REV3L: variants seen among roughly 807,000 people sequenced by gnomAD.
The protein encoded by REV3L is DNA polymerase zeta catalytic subunit.
REV3L carries 69 observed loss-of-function variants against 299.4 expected under a neutral mutation model. That is an observed-to-expected ratio of 0.23 (90% CI 0.19 to 0.28). The LOEUF is 0.28. REV3L is among the 10% of genes least tolerant of loss of function. The pLI is 1.00. For synonymous variants in REV3L, 1,238 were observed against 1,271.4 expected, an observed-to-expected ratio of 0.97 and a Z score of 0.56; for missense variants, 3,128 against 3,693.8, an observed-to-expected ratio of 0.85 and a Z score of 3.97.
Position 111,376,425 on chromosome 6 carries a change from T to A in REV3L, c.1930A>T (p.Asn644Tyr). Residue 644 changes from asparagine (N) to tyrosine (Y), a missense_variant, in exon 13 of 32, where the codon AAT becomes TAT. Around this residue, in one of 9 missense-constraint regions of REV3L, gnomAD observed 2,409 missense variants for 2,611.8 expected, o/e 0.92. Coordinates refer to ENST00000368802, the MANE Select transcript of REV3L (RefSeq NM_001372078.1). ...TVHSENSHKE[N>Y]SKKEILPVSS... ...ACTGGGAGGATCTCTTTCTTACTAT[T>A]CTCTTTATGAGAATTTTCTGAATGA... 1 of 1,613,736 alleles carries A rather than the reference T, an allele frequency of 6.2e-7. No individual in the cohort carries two copies.
intron 1 of REV3L, among the ~76,000 whole-genome samples, chr6:111,436,453 A>C (rs1787565206): frequency 6.6e-6 from 1 of 152,242 alleles, no homozygotes; most frequent in African/African-American, 2.4e-5. Flanking sequence ...AGCCATATAA[A>C]AAAAATGAAA....
At chr6:111,360,877 G>A (rs1778585420) in intron 16 of REV3L, among the ~76,000 whole-genome samples, 1 of 151,470 alleles carries the variant, frequency 6.6e-6, no homozygotes, top group Non-Finnish European at 1.5e-5. Context: ...AACATATACT[G>A]CTGTTTCTAC....
chr6:111,346,674 C>T (rs1313707639), intron 20 of REV3L, among the ~76,000 whole-genome samples: 1 of 152,084 alleles, frequency 6.6e-6, no homozygotes, highest in East Asian at 1.9e-4. Flanking sequence ...ACAGGTTACC[C>T]AGCTCATAAC....
chr6:111,479,571 G>A (rs1333460764), intron 1 of REV3L, among the ~76,000 whole-genome samples: 1 of 149,382 alleles, frequency 6.7e-6, no homozygotes, highest in Non-Finnish European at 1.5e-5. Context: ...GTGCAGTGGC[G>A]TGATCTTGGC....
At chr6:111,474,988 T>TACACACACACACAC (rs36213449) in intron 1 of REV3L, among the ~76,000 whole-genome samples, 5 of 145,844 alleles carry the variant, frequency 3.4e-5, no homozygotes, top group East Asian at 2.0e-4. Context: ...TGCCTATATA[T>TACACACACACACAC]ACACACACAC....
chr6:111,396,139 ACC>A (rs1782478667), intron 4 of REV3L, among the ~76,000 whole-genome samples: 1 of 151,826 alleles, frequency 6.6e-6, no homozygotes, highest in Non-Finnish European at 1.5e-5. Context: ...CCATCCTCCT[ACC>A]TAAGTCTCCC....
At chr6:111,447,596 A>G (rs930293027) in intron 1 of REV3L, among the ~76,000 whole-genome samples, 1 of 152,184 alleles carries the variant, frequency 6.6e-6, no homozygotes, top group African/African-American at 2.4e-5. Context: ...CAAATGGCAA[A>G]TATTTTAGGC....
intron 1 of REV3L, among the ~76,000 whole-genome samples, chr6:111,479,621 T>C (rs1793384465): frequency 6.6e-6 from 1 of 151,130 alleles, no homozygotes; most frequent in Non-Finnish European, 1.5e-5. Flanking sequence ...GCGATTCTCC[T>C]GTCTCAGCTT....
chr6:111,470,752 A>T (rs1792101707), intron 1 of REV3L, among the ~76,000 whole-genome samples: 1 of 152,106 alleles, frequency 6.6e-6, no homozygotes, highest in South Asian at 2.1e-4. Context: ...GGCCAAGGTG[A>T]GCAGATCACC....
rs1786889853 is a variant in REV3L, at chr6:111,431,238, T to C, written c.140-14766A>G. 3.2e-6 allele frequency: 5 copies of C among 1,544,786 alleles called. No homozygotes were observed. The Admixed American group carries it at 5.0e-5, about 16-fold the overall frequency. On this transcript the variant is annotated intron_variant, in intron 1 of 31. Coordinates refer to ENST00000368802, the MANE Select transcript of REV3L (RefSeq NM_001372078.1). ...TGGATGTTTTAACAAAAGGAGGGCA[T>C]TCCAGGACCCTACAAGAGATTTAGA...
At chr6:111,398,038 T>C (rs997896961) in intron 4 of REV3L, among the ~76,000 whole-genome samples, 23 of 146,522 alleles carry the variant, frequency 1.6e-4, no homozygotes, top group South Asian at 7.2e-4. Flanking sequence ...TATTGGCTAG[T>C]TGGGGACTTC....
rs200359902 is a variant in REV3L at position 111,381,340 on chromosome 6, C to T, written c.1201G>A (p.Glu401Lys). 4.5e-5 allele frequency: 72 copies of T among 1,613,492 alleles called. No homozygotes were observed. In the South Asian group the frequency reaches 4.5e-4, roughly 10 times the overall value. ...TFQPLTQRLS[E>K]SPVFMDSSPD... The stretch of plus-strand genomic sequence containing the variant: ...TGTTACTTACTGAAAACAGGTGACT[C>T]ACTCAGTCTTTGGGTCAAAGGCTGA... The change falls in exon 10 of 32, where the codon GAG (glutamate) becomes AAG (lysine). Residue 401 changes from glutamate (E) to lysine (K), a missense_variant. Glu to Lys is a moderately conservative substitution (Grantham distance 56). Coordinates refer to ENST00000368802, the MANE Select transcript of REV3L (RefSeq NM_001372078.1).
chr6:111,454,365 C>T (rs1313612723), intron 1 of REV3L, among the ~76,000 whole-genome samples: 1 of 151,968 alleles, frequency 6.6e-6, no homozygotes, highest in Admixed American at 6.6e-5. Flanking sequence ...AGGTCCTTAC[C>T]TTCATGAATT....
chr6:111,411,652 T>A (rs1024435605), intron 2 of REV3L, 98 bp from the exon 3 acceptor site: 33 of 800,086 alleles, frequency 4.1e-5, no homozygotes, highest in Non-Finnish European at 6.6e-5. Flanking sequence ...CCAAATTCAG[T>A]CTTACGTTTA....
At chr6:111,338,002 A>G (rs1313947805) in intron 21 of REV3L, among the ~76,000 whole-genome samples, 2 of 152,176 alleles carry the variant, frequency 1.3e-5, no homozygotes, top group Non-Finnish European at 2.9e-5. Context: ...TGAGACACCA[A>G]CATAATTTCT....
intron 2 of REV3L, among the ~76,000 whole-genome samples, chr6:111,416,039 A>G (rs577991272): frequency 1.3e-5 from 2 of 152,302 alleles, no homozygotes; most frequent in South Asian, 4.1e-4. Flanking sequence ...TTACTATATG[A>G]ATTACTAATG....
chr6:111,439,885 C>A (rs184034348), intron 1 of REV3L, among the ~76,000 whole-genome samples: 3 of 152,162 alleles, frequency 2.0e-5, no homozygotes, highest in African/African-American at 7.2e-5. Context: ...CGCCAACCAG[C>A]GCTTCAAAAG....
At position 111,405,488 on chromosome 6, in the gene REV3L, G is replaced by A; in HGVS notation, c.547C>T (p.Arg183Ter). ...ACCTTACTTTTCCTTCTTGCTTTTC[G>A]GAACTTGACAGCAGCCAGATTTATT... is the stretch of plus-strand genomic sequence containing the variant. ...NLINLAAVKFRKARRKSNTLH... is the reference protein window; with the variant it reads ...NLINLAAVKF The change falls in exon 4 of 32, where the codon CGA becomes TGA. Residue 183 changes from arginine to a stop codon, truncating the protein, a stop_gained. Transcript: ENST00000368802. LOFTEE classifies it high-confidence loss of function. 1.3e-6 allele frequency: 2 copies of A among 1,582,066 alleles called. No homozygotes were observed. Among genetic ancestry groups the A allele is most frequent in the Non-Finnish European group, 1.7e-6 (2 of 1,168,314 alleles).
intron 9 of REV3L, among the ~76,000 whole-genome samples, chr6:111,382,198 G>A (rs139979082): frequency 2.4e-4 from 37 of 152,176 alleles, no homozygotes; most frequent in African/African-American, 7.9e-4. Flanking sequence ...GTCCCCTGAA[G>A]GAACACCAAA....
Sources: allele counts gnomAD v4.1 joint callset (sites outside exome capture counted in the v4.1 genomes callset), GRCh38; gene constraint gnomAD v4.1.1; regional missense constraint gnomAD v4.1.1; transcripts MANE v1.5; gene names NCBI Gene and HGNC (gene_info 2026-07-23, HGNC 2026-07-21).